Variants in SLC16A9 observed in about 807,000 individuals in gnomAD.
SLC16A9 encodes the protein solute carrier family 16 member 9, also known as monocarboxylate transporter 9.
In SLC16A9, 26 loss-of-function variants were observed where a neutral mutation model predicts 44.3. The observed-to-expected ratio is 0.59, with a 90% confidence interval of 0.43 to 0.81. The LOEUF is 0.81. Among genes scored for constraint, SLC16A9 ranks in the 40% least tolerant of loss-of-function variants. The pLI is 0.00. For missense variants in SLC16A9, 559 were observed against 595.8 expected, an observed-to-expected ratio of 0.94 and a Z score of 0.64; for synonymous variants, 230 against 225.1, an observed-to-expected ratio of 1.02 and a Z score of -0.19.
intron 3 of SLC16A9, among the ~76,000 whole-genome samples, chr10:59,668,863 A>G (rs1305885175): frequency 6.6e-6 from 1 of 151,866 alleles, no homozygotes; most frequent in Non-Finnish European, 1.5e-5. Context: ...CTTCAATTAT[A>G]TAACAATTTT....
At chr10:59,691,516 G>A (rs886543029) in intron 1 of SLC16A9, among the ~76,000 whole-genome samples, 1 of 152,136 alleles carries the variant, frequency 6.6e-6, no homozygotes, top group Non-Finnish European at 1.5e-5. Context: ...GCCTCCCTTG[G>A]AGGAGAGAGA....
At chr10:59,696,905 C>T (rs1840397200) in intron 1 of SLC16A9, among the ~76,000 whole-genome samples, 2 of 139,722 alleles carry the variant, frequency 1.4e-5, no homozygotes, top group South Asian at 2.4e-4. Context: ...CGTCTCCGCC[C>T]GACAGCCACC....
chr10:59,688,762 A>T (rs529910031), intron 1 of SLC16A9, among the ~76,000 whole-genome samples: 6 of 151,344 alleles, frequency 4.0e-5, no homozygotes, highest in East Asian at 2.0e-4. Flanking sequence ...ACAAATGCAT[A>T]CGAGATTGTC....
intron 3 of SLC16A9, among the ~76,000 whole-genome samples, chr10:59,664,916 G>A (rs1156830991): frequency 6.6e-6 from 1 of 152,096 alleles, no homozygotes; most frequent in Non-Finnish European, 1.5e-5. Flanking sequence ...ATGTAGTAAT[G>A]TCTTTACTTT....
intron 2 of SLC16A9, among the ~76,000 whole-genome samples, chr10:59,682,881 T>A (rs1840053733): frequency 8.9e-6 from 1 of 112,318 alleles, no homozygotes; most frequent in South Asian, 2.5e-4. Context: ...GGCTATATTA[T>A]TTTTTTTTGT....
chr10:59,680,910 G>A (rs1279501721), intron 2 of SLC16A9, among the ~76,000 whole-genome samples: 1 of 152,008 alleles, frequency 6.6e-6, no homozygotes, highest in Non-Finnish European at 1.5e-5. Flanking sequence ...TTGAACCCGG[G>A]AGGTCGAGGT....
chr10:59,674,301 A>G (rs754590409), intron 2 of SLC16A9, among the ~76,000 whole-genome samples: 1 of 152,164 alleles, frequency 6.6e-6, no homozygotes, highest in African/African-American at 2.4e-5. Flanking sequence ...ATTCTTCCCA[A>G]TACCAGAGAA....
intron 1 of SLC16A9, among the ~76,000 whole-genome samples, chr10:59,709,202 CCTCT>C (rs978889031): frequency 2.0e-5 from 3 of 152,150 alleles, no homozygotes; most frequent in African/African-American, 4.8e-5. Context: ...GGACCCCCTC[CCTCT>C]CTTTCAACTC....
intron 1 of SLC16A9, among the ~76,000 whole-genome samples, chr10:59,709,179 C>T (rs1420014219): frequency 6.6e-6 from 1 of 152,152 alleles, no homozygotes; most frequent in Non-Finnish European, 1.5e-5. Flanking sequence ...GGGGGGCCAC[C>T]GTACCACCCC....
chr10:59,695,700 TCAAA>T (rs959011033), intron 1 of SLC16A9, among the ~76,000 whole-genome samples: 2 of 152,114 alleles, frequency 1.3e-5, no homozygotes, highest in African/African-American at 4.8e-5. Flanking sequence ...TTATGGCTCC[TCAAA>T]CAAAGGAGCA....
intron 1 of SLC16A9, among the ~76,000 whole-genome samples, chr10:59,686,107 G>T (rs1490825851): frequency 6.6e-6 from 1 of 151,832 alleles, no homozygotes; most frequent in Non-Finnish European, 1.5e-5. Context: ...GAGATGAAAA[G>T]CCAGCTGAAA....
intron 1 of SLC16A9, among the ~76,000 whole-genome samples, chr10:59,700,355 C>A (rs879270087): frequency 7.2e-5 from 11 of 152,238 alleles, no homozygotes; most frequent in Non-Finnish European, 1.3e-4. Context: ...TCAAGTTCAT[C>A]TTTGCATTCT....
At chr10:59,708,033 C>A (rs1018204729) in intron 1 of SLC16A9, among the ~76,000 whole-genome samples, 1 of 152,120 alleles carries the variant, frequency 6.6e-6, no homozygotes, top group Non-Finnish European at 1.5e-5. Flanking sequence ...ATGGAAGAAA[C>A]CAGTAGGGAT....
chr10:59,687,586 G>C (rs147077677), intron 1 of SLC16A9, among the ~76,000 whole-genome samples: 14 of 152,180 alleles, frequency 9.2e-5, no homozygotes, highest in Admixed American at 1.3e-4. Context: ...CTATTTTGGC[G>C]GAGGAATTTT....
Position 59,653,861 on chromosome 10 carries a change from T to C in SLC16A9, c.1165A>G (p.Ile389Val). The C allele has an allele frequency of 1.2e-6, 2 of 1,614,118 alleles. No homozygotes were observed. Among genetic ancestry groups the C allele is most frequent in the South Asian group, 1.1e-5 (1 of 91,082 alleles). The change falls in exon 5 of 6, where the codon ATT becomes GTT. Residue 389 changes from isoleucine to valine, a missense_variant. By Grantham distance (29) the Ile-to-Val change is conservative. Coordinates refer to ENST00000395348, the MANE Select transcript of SLC16A9 (RefSeq NM_194298.3). ...LIIMGLALCA[I>V]PFAKSYVTLA... Reference sequence around the variant, plus strand: ...GTGACATAGCTTTTGGCAAATGGAATTGCACACAAGGCTAGGCCCATGATG... The same window carrying C: ...GTGACATAGCTTTTGGCAAATGGAACTGCACACAAGGCTAGGCCCATGATG...
intron 1 of SLC16A9, among the ~76,000 whole-genome samples, chr10:59,699,369 C>G (rs1840471585): frequency 6.6e-6 from 1 of 151,810 alleles, no homozygotes; most frequent in Admixed American, 6.6e-5. Context: ...TCAATAACTA[C>G]AGTCTCATAC....
At chr10:59,697,943 C>T (rs1202340603) in intron 1 of SLC16A9, among the ~76,000 whole-genome samples, 4 of 146,202 alleles carry the variant, frequency 2.7e-5, no homozygotes, top group African/African-American at 1.0e-4. Context: ...AAATTCAAAG[C>T]TCACTGCTGG....
intron 1 of SLC16A9, among the ~76,000 whole-genome samples, chr10:59,700,928 C>T (rs139938655): frequency 8.7e-4 from 132 of 152,280 alleles, no homozygotes; most frequent in East Asian, 2.9e-3. Flanking sequence ...CTCTCTCTAA[C>T]GCCACCAAGT....
At chr10:59,709,162 G>A (rs1033366393) in intron 1 of SLC16A9, among the ~76,000 whole-genome samples, 3 of 152,148 alleles carry the variant, frequency 2.0e-5, no homozygotes, top group African/African-American at 7.2e-5. Context: ...TCCAGAGGCA[G>A]CTCTCTGGGG....
Sources: allele counts gnomAD v4.1 joint callset (sites outside exome capture counted in the v4.1 genomes callset), GRCh38; gene constraint gnomAD v4.1.1; transcripts MANE v1.5; gene names NCBI Gene and HGNC (gene_info 2026-07-23, HGNC 2026-07-21).